Variants in PDZRN4 observed in about 807,000 individuals in gnomAD.
PDZRN4 encodes the protein PDZ domain containing ring finger 4, also known as PDZ domain-containing RING finger protein 4.
A neutral mutation model predicts 99.0 loss-of-function variants in PDZRN4; 70 were observed. The ratio of observed to expected loss-of-function variants is 0.71; its 90% CI spans 0.58 to 0.86. The LOEUF is 0.86. PDZRN4 is among the 40% of genes least tolerant of loss of function. The probability of loss-of-function intolerance (pLI) is 0.00; values close to 1 mark genes in which losing one functional copy is unlikely to be tolerated. For missense variants in PDZRN4, 1,474 were observed against 1,331.2 expected (o/e 1.11, Z -1.67); for synonymous variants, 551 against 501.6 (o/e 1.10, Z -1.32).
At chr12:41,542,383 T>C (rs1938872707) in intron 5 of PDZRN4, among the ~76,000 whole-genome samples, 1 of 152,222 alleles carries the variant, frequency 6.6e-6, no homozygotes, top group Admixed American at 6.5e-5. Flanking sequence ...GTTGAAAGAA[T>C]AGTAAAGATC....
chr12:41,206,212 T>G (rs1192437091), intron 3 of PDZRN4, among the ~76,000 whole-genome samples: 4 of 152,020 alleles, frequency 2.6e-5, no homozygotes, highest in African/African-American at 9.7e-5. Flanking sequence ...CGGGTACATT[T>G]GCAGGGTCAG....
chr12:41,560,448 TC>T, intron 7 of PDZRN4, among the ~76,000 whole-genome samples: 1 of 152,306 alleles, frequency 6.6e-6, no homozygotes, highest in African/African-American at 2.4e-5. Context: ...ACCACAGATC[TC>T]TTCTTAGCCA....
intron 9 of PDZRN4, among the ~76,000 whole-genome samples, chr12:41,572,041 T>G (rs1331199853): frequency 6.6e-6 from 1 of 152,238 alleles, no homozygotes. Context: ...ATACAGTCAC[T>G]TTGTTTATAC....
At chr12:41,279,785 C>A (rs1951371472) in intron 3 of PDZRN4, among the ~76,000 whole-genome samples, 1 of 151,996 alleles carries the variant, frequency 6.6e-6, no homozygotes, top group South Asian at 2.1e-4. Context: ...TTGAGGATAG[C>A]CTATAAAGAG....
At chr12:41,428,356 T>G (rs1952555841) in intron 3 of PDZRN4, among the ~76,000 whole-genome samples, 1 of 152,206 alleles carries the variant, frequency 6.6e-6, no homozygotes, top group African/African-American at 2.4e-5. Context: ...TTGTGTTTAC[T>G]TATGCTTTCT....
intron 3 of PDZRN4, among the ~76,000 whole-genome samples, chr12:41,456,040 C>G (rs1217284626): frequency 1.3e-5 from 2 of 152,222 alleles, no homozygotes; most frequent in Non-Finnish European, 2.9e-5. Flanking sequence ...TCCTTTACCA[C>G]CAACCTTCTG....
rs188342609 is a variant in PDZRN4 at position 41,348,155 on chromosome 12, C to T, written c.843+153967C>T. Among the ~76,000 whole-genome samples, 6 of 151,928 alleles carry T rather than the reference C, an allele frequency of 3.9e-5. No individual in the cohort carries two copies. The East Asian group carries it at 1.2e-3, about 29-fold the overall frequency. Reference sequence around the variant, plus strand: ...AAAGGTAAAGTTTTGGGAGATTATCCCTTAACTAGTAAAAATCAAGTAAAT... The same window carrying T: ...AAAGGTAAAGTTTTGGGAGATTATCTCTTAACTAGTAAAAATCAAGTAAAT... On this transcript the variant is annotated intron_variant, in intron 3 of 9. Transcript: ENST00000402685.
chr12:41,510,956 C>T lies in PDZRN4; in HGVS notation c.1203+1043C>T, dbSNP rs143815981. On this transcript the variant is annotated intron_variant, in intron 5 of 9. Transcript: ENST00000402685. ...TTGTGTTGTTCATGTTAAATTTTTA[C>T]CTCCTCTTTATTAAGTTGATTGAAA... Among the ~76,000 whole-genome samples, 116 of 152,152 alleles carry T rather than the reference C, an allele frequency of 7.6e-4. 1 individual carries two copies. Among genetic ancestry groups the T allele is most frequent in the African/African-American group, 2.5e-3 (104 of 41,552 alleles).
At chr12:41,364,506 C>T (rs1284436957) in intron 3 of PDZRN4, among the ~76,000 whole-genome samples, 2 of 152,040 alleles carry the variant, frequency 1.3e-5, no homozygotes, top group Non-Finnish European at 2.9e-5. Flanking sequence ...AGTAAGAGTA[C>T]ATAACTCTTT....
intron 5 of PDZRN4, among the ~76,000 whole-genome samples, chr12:41,517,110 A>G (rs1348613628): frequency 6.6e-6 from 1 of 152,092 alleles, no homozygotes; most frequent in Non-Finnish European, 1.5e-5. Flanking sequence ...ATGTAATTTC[A>G]TAAAACAAAT....
intron 3 of PDZRN4, among the ~76,000 whole-genome samples, chr12:41,472,270 C>T (rs2253633): frequency 0.54 from 81,879 of 151,708 alleles, 23,157 homozygotes; most frequent in African/African-American, 0.73. Flanking sequence ...CCCAAAGTGC[C>T]GGGATTACAG....
intron 3 of PDZRN4, among the ~76,000 whole-genome samples, chr12:41,418,009 T>A (rs997772514): frequency 2.0e-5 from 3 of 152,204 alleles, no homozygotes; most frequent in African/African-American, 7.2e-5. Flanking sequence ...ATATGCAACA[T>A]ACCACTTGTA....
intron 3 of PDZRN4, among the ~76,000 whole-genome samples, chr12:41,272,672 A>G (rs1951322405): frequency 6.6e-6 from 1 of 152,118 alleles, no homozygotes; most frequent in Non-Finnish European, 1.5e-5. Context: ...CACATGTATC[A>G]AGACTGCCAG....
chr12:41,424,725 T>C (rs1409291932), intron 3 of PDZRN4, among the ~76,000 whole-genome samples: 1 of 152,190 alleles, frequency 6.6e-6, no homozygotes, highest in African/African-American at 2.4e-5. Flanking sequence ...TATGTGCAAG[T>C]CAGGAAGCTC....
intron 3 of PDZRN4, among the ~76,000 whole-genome samples, chr12:41,489,846 C>T (rs367718405): frequency 1.3e-5 from 2 of 152,198 alleles, no homozygotes; most frequent in South Asian, 4.1e-4. Context: ...TCTATTAATA[C>T]TCAAATCAAA....
chr12:41,513,312 A>G (rs975445264), intron 5 of PDZRN4, among the ~76,000 whole-genome samples: 4 of 152,030 alleles, frequency 2.6e-5, no homozygotes, highest in Admixed American at 2.6e-4. Context: ...TGAAAATTTA[A>G]TGACACCCAT....
intron 3 of PDZRN4, among the ~76,000 whole-genome samples, chr12:41,232,046 TA>T (rs1555218062): frequency 6.6e-6 from 1 of 151,810 alleles, no homozygotes; most frequent in Non-Finnish European, 1.5e-5. Context: ...ACGAGGTATA[TA>T]AAAAAATTTT....
chr12:41,311,883 T>G (rs1951609231), intron 3 of PDZRN4, among the ~76,000 whole-genome samples: 1 of 152,176 alleles, frequency 6.6e-6, no homozygotes, highest in Non-Finnish European at 1.5e-5. Flanking sequence ...TATAAAAAGT[T>G]ATTGCAATTT....
intron 3 of PDZRN4, among the ~76,000 whole-genome samples, chr12:41,285,890 A>G (rs1565541917): frequency 6.6e-6 from 1 of 152,002 alleles, no homozygotes; most frequent in African/African-American, 2.4e-5. Context: ...TTAGGAGAAA[A>G]ACTTAATGTA....
Sources: gnomAD v4.1 joint callset for allele counts (sites outside exome capture counted in the v4.1 genomes callset) on GRCh38, gnomAD v4.1.1 for gene constraint, MANE v1.5 for transcripts, NCBI Gene and HGNC (gene_info 2026-07-23, HGNC 2026-07-21) for gene names.